The following SPATA16 variants were observed in gnomAD, a reference collection of about 807,000 sequenced individuals.
SPATA16 encodes spermatogenesis-associated protein 16.
In SPATA16, 36 loss-of-function variants were observed where a neutral mutation model predicts 63.3. The observed-to-expected ratio is 0.57, with a 90% CI of 0.44 to 0.75. SPATA16 has a LOEUF of 0.75. Ranked by LOEUF, SPATA16 falls within the 30% of genes least tolerant of loss-of-function variation. The probability of loss-of-function intolerance (pLI) is 0.00; values close to 1 mark genes in which losing one functional copy is unlikely to be tolerated. For missense variants in SPATA16, 646 were observed against 679.3 expected, an observed-to-expected ratio of 0.95 and a Z score of 0.54; for synonymous variants, 203 against 216.7, an observed-to-expected ratio of 0.94 and a Z score of 0.56.
Position 173,131,657 on chromosome 3 carries a change from G to A in SPATA16, c.-19+9446C>T, listed in dbSNP as rs117377138. Among the ~76,000 whole-genome samples the A allele has an allele frequency of 1.3e-3, 198 of 152,222 alleles. 2 individuals carry two copies. The East Asian group carries it at 0.036, about 28-fold the overall frequency. On this transcript the variant is annotated intron_variant, in intron 1 of 10. Coordinates refer to ENST00000351008, the MANE Select transcript of SPATA16 (RefSeq NM_031955.6). ...TCTGAAAGGAAAATAAAATTTTTGC[G>A]GTCTTACGAGACAAGGATCCACAGG...
At chr3:173,036,736 A>G (rs1032065717) in intron 3 of SPATA16, among the ~76,000 whole-genome samples, 3 of 152,038 alleles carry the variant, frequency 2.0e-5, no homozygotes, top group East Asian at 1.9e-4. Context: ...TTTTGTTCAT[A>G]TAAGTCAACC....
intron 2 of SPATA16, among the ~76,000 whole-genome samples, chr3:173,055,230 C>T (rs959460983): frequency 1.3e-5 from 2 of 152,134 alleles, no homozygotes; most frequent in Non-Finnish European, 2.9e-5. Flanking sequence ...TGAAATTGTA[C>T]AGTCACTAGA....
At chr3:173,015,404 C>T (rs541261) in intron 4 of SPATA16, among the ~76,000 whole-genome samples, 24,464 of 151,982 alleles carry the variant, frequency 0.16, 2,155 homozygotes, top group African/African-American at 0.23. Context: ...GACTTTGTTG[C>T]ATTTTTTCTT....
intron 4 of SPATA16, among the ~76,000 whole-genome samples, chr3:172,978,684 C>T (rs1426484415): frequency 6.6e-6 from 1 of 152,144 alleles, no homozygotes; most frequent in African/African-American, 2.4e-5. Flanking sequence ...GTATACCAGC[C>T]ATTAGTTAAA....
At chr3:173,131,226 A>G (rs1171147758) in intron 1 of SPATA16, among the ~76,000 whole-genome samples, 2 of 152,238 alleles carry the variant, frequency 1.3e-5, no homozygotes, top group Non-Finnish European at 2.9e-5. Flanking sequence ...TAACAAATGG[A>G]ACCTAACAAA....
chr3:173,087,005 T>C (rs1400898969), intron 2 of SPATA16, among the ~76,000 whole-genome samples: 4 of 152,172 alleles, frequency 2.6e-5, no homozygotes, highest in Non-Finnish European at 4.4e-5. Context: ...GTATATTCTG[T>C]TGTTTTTGGG....
chr3:173,029,988 CAA>C (rs1439209986), intron 3 of SPATA16, among the ~76,000 whole-genome samples: 1 of 151,948 alleles, frequency 6.6e-6, no homozygotes, highest in Non-Finnish European at 1.5e-5. Context: ...GCATTCATAA[CAA>C]TGGGAAAATT....
chr3:172,927,299 C>A lies in SPATA16; in HGVS notation c.1082-1807G>T, dbSNP rs1214300004. ...TCAAAACACTGTTTGGAAAACACTG[C>A]AGTAAGTTATTTGTCACAGTTTGGT... On this transcript the variant is annotated intron_variant, in intron 6 of 10. Transcript: ENST00000351008. 2.6e-5 allele frequency among the ~76,000 whole-genome samples: 4 copies of A among 152,248 alleles called. No homozygotes were observed. The East Asian group carries it at 7.7e-4, about 29-fold the overall frequency.
intron 2 of SPATA16, among the ~76,000 whole-genome samples, chr3:173,056,705 C>CAAAAAAAAAAAAA (rs71162325): frequency 1.9e-4 from 14 of 73,596 alleles, no homozygotes; most frequent in African/African-American, 5.6e-4. Context: ...ACTCTTGTTT[C>CAAAAAAAAAAAAA]AAAAAAAAAA....
At chr3:173,062,977 C>T (rs369252992) in intron 2 of SPATA16, among the ~76,000 whole-genome samples, 1 of 152,176 alleles carries the variant, frequency 6.6e-6, no homozygotes, top group Non-Finnish European at 1.5e-5. Context: ...TGCTCGCTGG[C>T]CCCCCACTCA....
chr3:173,131,770 G>A (rs1738393440), intron 1 of SPATA16, among the ~76,000 whole-genome samples: 1 of 152,126 alleles, frequency 6.6e-6, no homozygotes, highest in African/African-American at 2.4e-5. Flanking sequence ...GAGGGTTGCA[G>A]CTCAGCCTCA....
intron 8 of SPATA16, among the ~76,000 whole-genome samples, chr3:172,921,133 C>T (rs1182600210): frequency 6.7e-6 from 1 of 149,894 alleles, no homozygotes; most frequent in East Asian, 2.0e-4. Context: ...AATTTCTGGG[C>T]TCAAGCTGTC....
Position 173,048,327 on chromosome 3 carries a change from C to G in SPATA16, c.758+622G>C, listed in dbSNP as rs1736002557. ...ATTATTATCCATGAGAGAAAGACCCCTAAAACATAAAATACAGGAGAGATA... is the reference window on the plus strand; with the variant it reads ...ATTATTATCCATGAGAGAAAGACCCGTAAAACATAAAATACAGGAGAGATA... On this transcript the variant is annotated intron_variant, in intron 3 of 10. Transcript: ENST00000351008. Among the ~76,000 whole-genome samples the G allele has an allele frequency of 2.6e-5, 4 of 151,980 alleles. No homozygotes were observed. In the South Asian group the frequency reaches 8.3e-4, roughly 32 times the overall value.
chr3:173,124,906 A>G (rs1181005042), intron 1 of SPATA16, among the ~76,000 whole-genome samples: 2 of 151,976 alleles, frequency 1.3e-5, no homozygotes, highest in African/African-American at 4.8e-5. Flanking sequence ...GTCCAGTTCT[A>G]TGGCTTCAAA....
At chr3:173,042,052 C>T (rs1038680622) in intron 3 of SPATA16, among the ~76,000 whole-genome samples, 1 of 152,064 alleles carries the variant, frequency 6.6e-6, no homozygotes, top group Non-Finnish European at 1.5e-5. Context: ...TGAATCAATT[C>T]ATTCTAAAAC....
At chr3:173,010,472 T>TG (rs1281653533) in intron 4 of SPATA16, among the ~76,000 whole-genome samples, 23 of 103,736 alleles carry the variant, frequency 2.2e-4, no homozygotes, top group African/African-American at 9.2e-4. Flanking sequence ...GTGTGTGTGT[T>TG]TGTTTTTGTT....
At chr3:173,038,990 A>G (rs1560104097) in intron 3 of SPATA16, among the ~76,000 whole-genome samples, 1 of 152,158 alleles carries the variant, frequency 6.6e-6, no homozygotes, top group Admixed American at 6.6e-5. Context: ...TTTTGCAAGG[A>G]TTCAAATTCA....
chr3:173,035,430 G>T (rs1156384472), intron 3 of SPATA16, among the ~76,000 whole-genome samples: 1 of 152,070 alleles, frequency 6.6e-6, no homozygotes, highest in East Asian at 1.9e-4. Context: ...GAGTGCCTCA[G>T]AAATGACTTG....
chr3:173,059,376 A>G (rs901404512), intron 2 of SPATA16, among the ~76,000 whole-genome samples: 6 of 148,804 alleles, frequency 4.0e-5, no homozygotes, highest in Admixed American at 1.3e-4. Context: ...TTCATCTCCA[A>G]TGTGATAGTA....
Sources: allele counts gnomAD v4.1 joint callset (sites outside exome capture counted in the v4.1 genomes callset), GRCh38; gene constraint gnomAD v4.1.1; transcripts MANE v1.5; gene names NCBI Gene and HGNC (gene_info 2026-07-23, HGNC 2026-07-21).